FRMD4B: variants seen among roughly 807,000 people sequenced by gnomAD.
FRMD4B encodes the protein FERM domain-containing protein 4B.
In FRMD4B, 74 loss-of-function variants were observed where a neutral mutation model predicts 141.5. The ratio of observed to expected loss-of-function variants is 0.52; its 90% CI spans 0.43 to 0.63. The LOEUF is 0.63. Ranked by LOEUF, FRMD4B falls within the 30% of genes least tolerant of loss-of-function variation. The pLI, the probability that FRMD4B is intolerant of heterozygous loss-of-function variation, is 0.00. For synonymous variants in FRMD4B, 506 were observed against 467.9 expected, an observed-to-expected ratio of 1.08 and a Z score of -1.05; for missense variants, 1,366 against 1,253.4, an observed-to-expected ratio of 1.09 and a Z score of -1.36.
At chr3:69,351,477 C>T (rs549418722) in intron 1 of FRMD4B, among the ~76,000 whole-genome samples, 8 of 152,296 alleles carry the variant, frequency 5.3e-5, no homozygotes, top group African/African-American at 1.7e-4. Flanking sequence ...TGATAAGAGA[C>T]AAGACATGTA....
At chr3:69,541,760 C>G (rs894008224) in intron 1 of FRMD4B, among the ~76,000 whole-genome samples, 1 of 151,896 alleles carries the variant, frequency 6.6e-6, no homozygotes, top group Admixed American at 6.6e-5. Context: ...AAACGAAACC[C>G]TTAGTGTCCT....
chr3:69,221,849 G>C lies in FRMD4B; in HGVS notation c.731+9C>G. On this transcript the variant is annotated intron_variant, in intron 9 of 22. Transcript: ENST00000398540. ...AAAATTATATCTAAGCAAAAGGAAA[G>C]ATACTTACTGAACCACAGCTTGACC... The C allele has an allele frequency of 7.1e-7, 1 of 1,415,040 alleles. No homozygotes were observed. The highest frequency in any genetic ancestry group is 9.9e-7 in the Non-Finnish European group (1 of 1,005,908). The allele number at this position is 1,415,040 out of a possible 1,614,324, so 87.7% of individuals were successfully genotyped here. A position where few individuals can be genotyped will look rare whatever the true frequency, so the allele number is the denominator to read the frequency against.
In FRMD4B at chr3:69,169,118, G is replaced by A. The variant is rs1330031176; in HGVS notation, c.*2743C>T. Among the ~76,000 whole-genome samples the A allele has an allele frequency of 6.6e-6, 1 of 151,986 alleles. No homozygotes were observed. The highest frequency in any genetic ancestry group is 1.9e-4 in the East Asian group (1 of 5,182). On this transcript the variant is annotated 3_prime_UTR_variant, in exon 23 of 23. Coordinates refer to ENST00000398540, the MANE Select transcript of FRMD4B (RefSeq NM_015123.3). ...TAAATTAACTATTATATCTGAGAGT[G>A]TTCGGCTAATGGGCACGATTATGTT...
At chr3:69,186,588 T>A (rs1361711538) in intron 19 of FRMD4B, among the ~76,000 whole-genome samples, 1 of 152,210 alleles carries the variant, frequency 6.6e-6, no homozygotes, top group Non-Finnish European at 1.5e-5. Flanking sequence ...GGCGCGTGCC[T>A]GTAATTCCAG....
In FRMD4B at chr3:69,181,014, C is replaced by T. The variant is rs2092701434; in HGVS notation, c.2736G>A (p.Gln912=). The T allele has an allele frequency of 6.2e-7, 1 of 1,613,998 alleles. No homozygotes were observed. Among genetic ancestry groups the T allele is most frequent in the Non-Finnish European group, 8.5e-7 (1 of 1,179,874 alleles). The change falls in exon 21 of 23, where the codon CAG becomes CAA. Residue 912 remains glutamine, a synonymous_variant. Coordinates refer to ENST00000398540, the MANE Select transcript of FRMD4B (RefSeq NM_015123.3). ...CAAAGCTGGTCTGCGGGCTGTGTCC[C>T]TGATCCTTCTGCCCAGAGGCCCGCT... The part of the protein sequence containing the change: ...WYQRASGQKD[Q]GHSPQTSFDS...
At chr3:69,187,667 GATAA>G in intron 19 of FRMD4B, 99 bp downstream of exon 19, 1 of 1,087,622 alleles carries the variant, frequency 9.2e-7, no homozygotes, top group African/African-American at 1.6e-5. Context: ...CTTTTGGAAG[GATAA>G]ATAAAAACAT....
At chr3:69,375,250 TCCATCCACCCCATC>T (rs71115688) in intron 1 of FRMD4B, among the ~76,000 whole-genome samples, 29,845 of 65,934 alleles carry the variant, frequency 0.45, 4,464 homozygotes, top group East Asian at 0.59. Context: ...ATCCCATCCA[TCCATCCACCCCATC>T]CCATCCATCC....
chr3:69,491,193 T>C (rs1025928414), intron 1 of FRMD4B, among the ~76,000 whole-genome samples: 16 of 151,970 alleles, frequency 1.1e-4, no homozygotes, highest in Non-Finnish European at 2.2e-4. Flanking sequence ...ATAGAAACAA[T>C]AGGTCGAGAA....
chr3:69,218,957 G>T lies in FRMD4B; in HGVS notation c.732-578C>A, dbSNP rs566405965. Among the ~76,000 whole-genome samples, 253 of 152,248 alleles carry T rather than the reference G, an allele frequency of 1.7e-3. 2 individuals carry two copies. The highest frequency in any genetic ancestry group is 5.8e-3 in the African/African-American group (241 of 41,548). On this transcript the variant is annotated intron_variant, in intron 9 of 22. Coordinates refer to ENST00000398540, the MANE Select transcript of FRMD4B (RefSeq NM_015123.3). ...GCGGGTGAATCACCTGAGGTCAGGAGTTCAAGACCAGCCTGGCCAACATGC... is the reference window on the plus strand; with the variant it reads ...GCGGGTGAATCACCTGAGGTCAGGATTTCAAGACCAGCCTGGCCAACATGC...
At chr3:69,467,926 G>A (rs893623907) in intron 1 of FRMD4B, among the ~76,000 whole-genome samples, 7 of 152,160 alleles carry the variant, frequency 4.6e-5, no homozygotes, top group African/African-American at 1.7e-4. Flanking sequence ...GTGGAAAAAC[G>A]CAGAGCCAAG....
In FRMD4B at chr3:69,231,584, G is replaced by A. The variant is rs548206551; in HGVS notation, c.582-6894C>T. Among the ~76,000 whole-genome samples the A allele has an allele frequency of 1.5e-3, 236 of 152,284 alleles. 1 individual carries two copies. The highest frequency in any genetic ancestry group is 6.8e-3 in the Middle Eastern group (2 of 292). On this transcript the variant is annotated intron_variant, in intron 7 of 22. Coordinates refer to ENST00000398540, the MANE Select transcript of FRMD4B (RefSeq NM_015123.3). ...ATTACAGGCGTAAGCCACTGTGCCC[G>A]GCCCAGCTGCATCCTTCTAATTTGT...
chr3:69,288,480 C>G (rs1225514346), intron 4 of FRMD4B, among the ~76,000 whole-genome samples: 1 of 152,250 alleles, frequency 6.6e-6, no homozygotes, highest in Non-Finnish European at 1.5e-5. Flanking sequence ...TGCCCCACTC[C>G]CTTTCTAGGA....
intron 1 of FRMD4B, among the ~76,000 whole-genome samples, chr3:69,457,480 C>T (rs1705638245): frequency 1.3e-5 from 2 of 152,030 alleles, no homozygotes; most frequent in Non-Finnish European, 2.9e-5. Context: ...ATGTTTCTAC[C>T]AGTCTTTGAA....
At chr3:69,244,002 A>G (rs2093406752) in intron 7 of FRMD4B, among the ~76,000 whole-genome samples, 1 of 152,142 alleles carries the variant, frequency 6.6e-6, no homozygotes, top group African/African-American at 2.4e-5. Context: ...GCAACCTCAC[A>G]CCACTGCACT....
chr3:69,502,506 T>C (rs368038180), intron 1 of FRMD4B, among the ~76,000 whole-genome samples: 4 of 152,054 alleles, frequency 2.6e-5, no homozygotes, highest in African/African-American at 4.8e-5. Flanking sequence ...TGGATCCCTT[T>C]CTTACACCTT....
At chr3:69,250,307 G>C in intron 5 of FRMD4B, 1 of 376,078 alleles carries the variant, frequency 2.7e-6, no homozygotes. Context: ...GTGTGTGTGT[G>C]TGTGTGTGTG....
intron 1 of FRMD4B, chr3:69,471,829 T>C (rs1301036026): frequency 1.3e-5 from 2 of 155,388 alleles, no homozygotes; most frequent in African/African-American, 4.8e-5. Flanking sequence ...CACATTTCTG[T>C]TTCAGGTAAA....
At chr3:69,428,238 T>C (rs1312655746) in intron 2 of FRMD4B, among the ~76,000 whole-genome samples, 1 of 151,622 alleles carries the variant, frequency 6.6e-6, no homozygotes, top group East Asian at 2.0e-4. Flanking sequence ...TGACAACCAG[T>C]TCTGCATCTC....
intron 5 of FRMD4B, among the ~76,000 whole-genome samples, chr3:69,253,903 C>T (rs1344801041): frequency 2.0e-5 from 3 of 151,892 alleles, no homozygotes; most frequent in Admixed American, 6.6e-5. Context: ...CGCACCATAG[C>T]GAAACCCTGC....
Sources: gnomAD v4.1 joint callset for allele counts (sites outside exome capture counted in the v4.1 genomes callset) on GRCh38, gnomAD v4.1.1 for gene constraint, MANE v1.5 for transcripts, NCBI Gene and HGNC (gene_info 2026-07-23, HGNC 2026-07-21) for gene names.